SYK: variants seen among roughly 807,000 people sequenced by gnomAD.
SYK encodes spleen associated tyrosine kinase.
In SYK, 16 loss-of-function variants were observed where a neutral mutation model predicts 77.8. The ratio of observed to expected loss-of-function variants is 0.21; its 90% CI spans 0.14 to 0.31. The LOEUF (loss-of-function observed/expected upper bound fraction) is 0.31. SYK is among the 10% of genes least tolerant of loss of function. SYK has a pLI of 1.00. For synonymous variants in SYK, 312 were observed against 308.7 expected, an observed-to-expected ratio of 1.01 and a Z score of -0.11; for missense variants, 529 against 814.4, an observed-to-expected ratio of 0.65 and a Z score of 4.26.
At chr9:90,815,804 G>C (rs1825270157) in intron 1 of SYK, among the ~76,000 whole-genome samples, 1 of 152,258 alleles carries the variant, frequency 6.6e-6, no homozygotes, top group East Asian at 1.9e-4. Flanking sequence ...CTGTTTGGGA[G>C]CCTGCGCTGC....
chr9:90,846,467 A>G (rs1206769981), intron 3 of SYK, among the ~76,000 whole-genome samples: 3 of 152,198 alleles, frequency 2.0e-5, no homozygotes, highest in African/African-American at 7.2e-5. Flanking sequence ...CTGTCCATCT[A>G]TTCAAAGGAA....
intron 13 of SYK, among the ~76,000 whole-genome samples, chr9:90,892,506 T>C (rs963239499): frequency 6.6e-6 from 1 of 152,236 alleles, no homozygotes; most frequent in African/African-American, 2.4e-5. Flanking sequence ...TGGCATATTT[T>C]GGGATGGCCC....
rs981419376 is a variant in SYK, at chr9:90,898,400, C to T, written c.*2800C>T. The T allele has an allele frequency of 4.4e-6, 1 of 227,224 alleles. No homozygotes were observed. The highest frequency in any genetic ancestry group is 8.7e-6 in the Non-Finnish European group (1 of 114,384). 14.1% of individuals were successfully genotyped at this position (227,224 alleles called of 1,614,324 possible). ...CGGCCTGGATTTTCACTTGCAGAGG[C>T]TACAGCTGCATTGTCAGGTCTCCCA... On this transcript the variant is annotated 3_prime_UTR_variant, in exon 14 of 14. Coordinates refer to ENST00000375754, the MANE Select transcript of SYK (RefSeq NM_003177.7).
At chr9:90,851,514 A>G (rs762307240) in intron 3 of SYK, among the ~76,000 whole-genome samples, 5 of 152,142 alleles carry the variant, frequency 3.3e-5, no homozygotes, top group Non-Finnish European at 5.9e-5. Flanking sequence ...CCTTTGCTAT[A>G]TAAGCACTGC....
At chr9:90,888,987 G>A (rs1828686163) in intron 13 of SYK, among the ~76,000 whole-genome samples, 1 of 152,174 alleles carries the variant, frequency 6.6e-6, no homozygotes. Flanking sequence ...CTCGGTAGGG[G>A]ATGGTATACT....
chr9:90,816,740 T>C (rs75872220), intron 1 of SYK, among the ~76,000 whole-genome samples: 185 of 152,372 alleles, frequency 1.2e-3, no homozygotes, highest in African/African-American at 4.3e-3. Flanking sequence ...TTGTTCTCTG[T>C]TTCTATGAGT....
intron 13 of SYK, among the ~76,000 whole-genome samples, chr9:90,889,136 G>A (rs995195999): frequency 3.3e-5 from 5 of 152,194 alleles, no homozygotes; most frequent in South Asian, 2.1e-4. Flanking sequence ...CCTGACTGCC[G>A]TCATACGTCT....
intron 11 of SYK, among the ~76,000 whole-genome samples, chr9:90,884,965 G>GTATATA (rs57971781): frequency 4.6e-4 from 37 of 80,630 alleles, no homozygotes; most frequent in East Asian, 2.4e-3. Flanking sequence ...ACATATATGT[G>GTATATA]TATATATATA....
chr9:90,857,051 C>T (rs183246037), intron 3 of SYK, among the ~76,000 whole-genome samples: 72 of 152,364 alleles, frequency 4.7e-4, no homozygotes, highest in Admixed American at 1.5e-3. Context: ...TAATTGCTCT[C>T]ATTTGCCACT....
At chr9:90,802,433 G>T (rs1414255881) in intron 1 of SYK, among the ~76,000 whole-genome samples, 1 of 152,146 alleles carries the variant, frequency 6.6e-6, no homozygotes, top group Admixed American at 6.5e-5. Flanking sequence ...CAACCCTTCT[G>T]AACCACTACT....
rs1022808564 is a variant in SYK at position 90,864,991 on chromosome 9, G to C, written c.797-57G>C. 5.8e-6 allele frequency: 9 copies of C among 1,539,952 alleles called. No individual in the cohort carries two copies. The Admixed American group carries it at 6.7e-5, about 11-fold the overall frequency. On this transcript the variant is annotated intron_variant, in intron 5 of 13. Coordinates refer to ENST00000375754, the MANE Select transcript of SYK (RefSeq NM_003177.7). ...TCATTGATTGATCTGCAGTGGGGAG[G>C]GGAAGGAAGTGGTTTCCTCAGATAG...
chr9:90,809,438 G>C (rs915954850), intron 1 of SYK, among the ~76,000 whole-genome samples: 3 of 151,880 alleles, frequency 2.0e-5, no homozygotes, highest in Admixed American at 2.0e-4. Flanking sequence ...AGGATCTGCT[G>C]TCCTGCCTAA....
chr9:90,843,090 G>A (rs1472951160), intron 1 of SYK, among the ~76,000 whole-genome samples: 4 of 152,138 alleles, frequency 2.6e-5, no homozygotes, highest in Admixed American at 6.5e-5. Context: ...TCTTTAGCAC[G>A]GGCCCTGCAG....
intron 1 of SYK, among the ~76,000 whole-genome samples, chr9:90,805,397 T>C (rs1333404318): frequency 6.6e-6 from 1 of 152,164 alleles, no homozygotes; most frequent in African/African-American, 2.4e-5. Flanking sequence ...GGGATGCAGA[T>C]GAGAGATGTC....
chr9:90,835,752 G>T (rs1030662001), intron 1 of SYK, among the ~76,000 whole-genome samples: 1 of 152,164 alleles, frequency 6.6e-6, no homozygotes, highest in Non-Finnish European at 1.5e-5. Flanking sequence ...GGAGCATCTC[G>T]CAGATTAGTT....
In SYK at chr9:90,884,686, T is replaced by C. The variant is rs111216785; in HGVS notation, c.1582-3063T>C. ...GTGTACATGTACATATATACACATA[T>C]ACACATATGTGTACATGTACATATA... is the stretch of plus-strand genomic sequence containing the variant. On this transcript the variant is annotated intron_variant, in intron 11 of 13. Coordinates refer to ENST00000375754, the MANE Select transcript of SYK (RefSeq NM_003177.7). Among the ~76,000 whole-genome samples the C allele has an allele frequency of 3.1e-5, 2 of 64,062 alleles. 1 individual carries two copies. Among genetic ancestry groups the C allele is most frequent in the Non-Finnish European group, 5.8e-5 (2 of 34,336 alleles). The allele number at this position is 64,062 out of a possible 152,430, so 42.0% of individuals were successfully genotyped here.
intron 1 of SYK, among the ~76,000 whole-genome samples, chr9:90,817,845 T>TTGTGTG (rs746939088): frequency 0.012 from 1,699 of 137,452 alleles, 19 homozygotes; most frequent in African/African-American, 0.043. Context: ...CTCAATAATG[T>TTGTGTG]TGTGTGTGTG....
intron 1 of SYK, among the ~76,000 whole-genome samples, chr9:90,808,742 C>T (rs1564065684): frequency 6.6e-6 from 1 of 152,216 alleles, no homozygotes; most frequent in African/African-American, 2.4e-5. Flanking sequence ...CTTGTCCTCC[C>T]GCTCCTCCCT....
chr9:90,880,060 T>A lies in SYK; in HGVS notation c.1581+1107T>A, dbSNP rs1200920834. 2.0e-5 allele frequency among the ~76,000 whole-genome samples: 3 copies of A among 152,354 alleles called. No homozygotes were observed. In the South Asian group the frequency reaches 6.2e-4, roughly 32 times the overall value. On this transcript the variant is annotated intron_variant, in intron 11 of 13. Transcript: ENST00000375754. The stretch of plus-strand genomic sequence containing the variant: ...GCAGGTTAACAACCCTGCTAGTCTC[T>A]GGTGAAGTCCACATGCTCAGAAATA...
Sources: gnomAD v4.1 joint callset for allele counts (sites outside exome capture counted in the v4.1 genomes callset) on GRCh38, gnomAD v4.1.1 for gene constraint, MANE v1.5 for transcripts, NCBI Gene and HGNC (gene_info 2026-07-23, HGNC 2026-07-21) for gene names.